Variants in LRRC7 observed in about 807,000 individuals in gnomAD.
LRRC7 encodes the protein leucine-rich repeat-containing protein 7.
A neutral mutation model predicts 175.7 loss-of-function variants in LRRC7; 23 were observed. The observed-to-expected ratio is 0.13, with a 90% CI of 0.09 to 0.19. The LOEUF (loss-of-function observed/expected upper bound fraction) is 0.19, where lower values mean the gene tolerates loss of function less well. LRRC7 is among the 10% of genes least tolerant of loss of function. The pLI, the probability that LRRC7 is intolerant of heterozygous loss-of-function variation, is 1.00. For missense variants in LRRC7, 1,354 were observed against 1,904.7 expected, an observed-to-expected ratio of 0.71 and a Z score of 5.38; for synonymous variants, 685 against 680.9, an observed-to-expected ratio of 1.01 and a Z score of -0.09.
chr1:69,730,077 T>G, intron 2 of LRRC7, among the ~76,000 whole-genome samples: 1 of 152,184 alleles, frequency 6.6e-6, no homozygotes, highest in South Asian at 2.1e-4. Flanking sequence ...CTAGAGCAGC[T>G]GGGGCACAGG....
intron 23 of LRRC7, among the ~76,000 whole-genome samples, chr1:70,057,111 A>G (rs1661216710): frequency 6.6e-6 from 1 of 152,186 alleles, no homozygotes; most frequent in Non-Finnish European, 1.5e-5. Context: ...CTATTATGAT[A>G]AGCAGGTTCT....
chr1:69,992,590 G>C (rs1301323176), intron 10 of LRRC7, among the ~76,000 whole-genome samples: 4 of 152,302 alleles, frequency 2.6e-5, no homozygotes, highest in African/African-American at 7.2e-5. Flanking sequence ...AGAAGCTCCA[G>C]ACTCTGTCCG....
chr1:70,003,679 C>T (rs1655737975), intron 11 of LRRC7, among the ~76,000 whole-genome samples: 1 of 152,230 alleles, frequency 6.6e-6, no homozygotes, highest in African/African-American at 2.4e-5. Context: ...TCCTTCACTG[C>T]CTACTTCCTC....
At chr1:70,015,936 A>G (rs558103996) in intron 13 of LRRC7, among the ~76,000 whole-genome samples, 2 of 152,324 alleles carry the variant, frequency 1.3e-5, no homozygotes, top group South Asian at 4.1e-4. Context: ...TAAGCAAATT[A>G]TCACAAAAAT....
chr1:69,986,192 G>A (rs777170944), intron 9 of LRRC7, 50 bp from the exon 10 acceptor site: 5 of 1,559,822 alleles, frequency 3.2e-6, no homozygotes, highest in African/African-American at 1.4e-5. Context: ...ACTTTAAAAT[G>A]TCTTGTGAAA....
At chr1:69,707,659 C>T (rs1630588) in intron 2 of LRRC7, among the ~76,000 whole-genome samples, 66,901 of 151,924 alleles carry the variant, frequency 0.44, 14,964 homozygotes, top group Admixed American at 0.5. Context: ...GCTAATTTTC[C>T]TTTTCCTCAC....
chr1:69,689,188 C>G (rs1488593242), intron 2 of LRRC7, among the ~76,000 whole-genome samples: 1 of 152,204 alleles, frequency 6.6e-6, no homozygotes, highest in Non-Finnish European at 1.5e-5. Context: ...TCCCCTATGT[C>G]TCTCACACAC....
Position 70,127,967 on chromosome 1 carries a change from CTTT to C in LRRC7, c.*6087_*6089del, listed in dbSNP as rs536929817. 2.0e-5 allele frequency among the ~76,000 whole-genome samples: 3 copies of C among 151,400 alleles called. No individual in the cohort carries two copies. Among genetic ancestry groups the C allele is most frequent in the Admixed American group, 2.0e-4 (3 of 15,180 alleles). On this transcript the variant is annotated 3_prime_UTR_variant, in exon 27 of 27. Coordinates refer to ENST00000651989, the MANE Select transcript of LRRC7 (RefSeq NM_001370785.2). ...TTTTATGTGACTTTTTCTTTTCTTTCTTTTTTTTTCTTGAGACAGAGTCTTGCT... is the reference window on the plus strand; with the variant it reads ...TTTTATGTGACTTTTTCTTTTCTTTCTTTTTTCTTGAGACAGAGTCTTGCT...
At chr1:70,045,007 C>G (rs1214319273) in intron 22 of LRRC7, among the ~76,000 whole-genome samples, 1 of 151,990 alleles carries the variant, frequency 6.6e-6, no homozygotes, top group African/African-American at 2.4e-5. Context: ...CATTATGACT[C>G]ACCCCATCAA....
chr1:69,653,735 G>A (rs1052707533), intron 1 of LRRC7, among the ~76,000 whole-genome samples: 2 of 151,984 alleles, frequency 1.3e-5, no homozygotes, highest in African/African-American at 2.4e-5. Context: ...CACAATAGCC[G>A]GGAAGTGACA....
At chr1:70,095,970 T>A (rs188890930) in intron 25 of LRRC7, among the ~76,000 whole-genome samples, 19 of 152,054 alleles carry the variant, frequency 1.2e-4, no homozygotes, top group Admixed American at 7.2e-4. Flanking sequence ...TTGTTTTTTT[T>A]GTTTTTTTTT....
intron 10 of LRRC7, 146 bp downstream of exon 10, chr1:69,986,532 G>A: frequency 1.7e-6 from 1 of 589,338 alleles, no homozygotes; most frequent in Non-Finnish European, 2.6e-6. Flanking sequence ...TCATAAAATA[G>A]TATCTAACAA....
intron 8 of LRRC7, among the ~76,000 whole-genome samples, chr1:69,973,690 A>G (rs1652510894): frequency 6.6e-6 from 1 of 152,166 alleles, no homozygotes; most frequent in African/African-American, 2.4e-5. Context: ...GGTTCAAGCG[A>G]TCCTCCTGCC....
At chr1:70,047,406 T>C (rs1340135204) in intron 22 of LRRC7, among the ~76,000 whole-genome samples, 1 of 152,142 alleles carries the variant, frequency 6.6e-6, no homozygotes, top group Non-Finnish European at 1.5e-5. Flanking sequence ...GAAGGAAACA[T>C]GTATCCCCAC....
chr1:69,980,489 T>C (rs761960801), intron 9 of LRRC7, 36 bp downstream of exon 9: 1 of 1,438,212 alleles, frequency 7.0e-7, no homozygotes, highest in African/African-American at 1.4e-5. Context: ...TTGTTTAATA[T>C]TTGTTATACG....
intron 21 of LRRC7, 69 bp from the exon 22 acceptor site, chr1:70,043,885 G>A: frequency 1.3e-6 from 2 of 1,495,004 alleles, no homozygotes; most frequent in Non-Finnish European, 1.8e-6. Flanking sequence ...ATTTAAACAT[G>A]TTCATGTAAT....
At chr1:69,690,431 A>C (rs868564488) in intron 2 of LRRC7, among the ~76,000 whole-genome samples, 1 of 152,202 alleles carries the variant, frequency 6.6e-6, no homozygotes. Flanking sequence ...AAAAATATTT[A>C]AGTGAGGGAT....
chr1:69,985,986 A>G (rs956564202), intron 9 of LRRC7, among the ~76,000 whole-genome samples: 1 of 152,172 alleles, frequency 6.6e-6, no homozygotes, highest in African/African-American at 2.4e-5. Flanking sequence ...TCTCAGTGGT[A>G]TATGCCTATA....
At chr1:70,110,000 G>C (rs1206593195) in intron 26 of LRRC7, among the ~76,000 whole-genome samples, 1 of 152,152 alleles carries the variant, frequency 6.6e-6, no homozygotes, top group Non-Finnish European at 1.5e-5. Flanking sequence ...GCAAAATAAA[G>C]ATTTTTCCCT....
Sources: gnomAD v4.1 joint callset for allele counts (sites outside exome capture counted in the v4.1 genomes callset) on GRCh38, gnomAD v4.1.1 for gene constraint, MANE v1.5 for transcripts, NCBI Gene and HGNC (gene_info 2026-07-23, HGNC 2026-07-21) for gene names.